The following AUTS2 variants were observed in gnomAD, a reference collection of about 807,000 sequenced individuals.
AUTS2 encodes activator of transcription and developmental regulator AUTS2, also known as autism susceptibility gene 2 protein.
In AUTS2, 17 loss-of-function variants were observed where a neutral mutation model predicts 112.4. The observed-to-expected ratio is 0.15, with a 90% CI of 0.10 to 0.23. AUTS2 has a LOEUF of 0.23. Among genes scored for constraint, AUTS2 ranks in the 10% least tolerant of loss-of-function variants. The pLI, the probability that AUTS2 is intolerant of heterozygous loss-of-function variation, is 1.00. For synonymous variants in AUTS2, 751 were observed against 702.7 expected (o/e 1.07, Z -1.09); for missense variants, 1,510 against 1,701.6 (o/e 0.89, Z 1.98).
chr7:70,232,407 C>CT (rs112682454), intron 4 of AUTS2, among the ~76,000 whole-genome samples: 460 of 145,016 alleles, frequency 3.2e-3, no homozygotes, highest in Non-Finnish European at 3.7e-3. Context: ...GGCTCTTGCT[C>CT]TTTTTTTTTT....
intron 1 of AUTS2, among the ~76,000 whole-genome samples, chr7:69,873,474 T>C (rs1279992668): frequency 2.0e-5 from 3 of 151,558 alleles, no homozygotes; most frequent in Admixed American, 6.6e-5. Flanking sequence ...GAACACTAGC[T>C]TATCTCAGAA....
chr7:70,358,267 T>C (rs1449805684), intron 4 of AUTS2, among the ~76,000 whole-genome samples: 1 of 152,248 alleles, frequency 6.6e-6, no homozygotes, highest in African/African-American at 2.4e-5. Context: ...TTAAACAGTA[T>C]GCCATTCTTT....
At chr7:70,774,274 G>A in intron 12 of AUTS2, 175 bp downstream of exon 12, 1 of 625,726 alleles carries the variant, frequency 1.6e-6, no homozygotes, top group Non-Finnish European at 2.8e-6. Flanking sequence ...AGTCTCTCCT[G>A]CTCACTGCGA....
chr7:70,188,949 G>C (rs1233559408), intron 4 of AUTS2, among the ~76,000 whole-genome samples: 1 of 151,764 alleles, frequency 6.6e-6, no homozygotes, highest in Admixed American at 6.6e-5. Flanking sequence ...TTTGTCTTCG[G>C]GAATGGAAAG....
At chr7:70,287,999 G>A (rs898533216) in intron 4 of AUTS2, among the ~76,000 whole-genome samples, 1 of 152,082 alleles carries the variant, frequency 6.6e-6, no homozygotes, top group Non-Finnish European at 1.5e-5. Flanking sequence ...TGAAGGAAGA[G>A]AATTTTTGCT....
At chr7:70,784,727 T>G in intron 15 of AUTS2, 1 of 492,698 alleles carries the variant, frequency 2.0e-6, no homozygotes. Flanking sequence ...GAGGGATGAT[T>G]GATTTTCTGC....
At chr7:69,728,647 A>G (rs966825460) in intron 1 of AUTS2, among the ~76,000 whole-genome samples, 5 of 151,396 alleles carry the variant, frequency 3.3e-5, no homozygotes, top group African/African-American at 1.2e-4. Flanking sequence ...GGAGCACTCA[A>G]AGTATGCAGG....
Position 70,791,708 on chromosome 7 carries a change from G to A in AUTS2, c.*712G>A, listed in dbSNP as rs530091420. On this transcript the variant is annotated 3_prime_UTR_variant, in exon 19 of 19. Coordinates refer to ENST00000342771, the MANE Select transcript of AUTS2 (RefSeq NM_015570.4). ...ATATTTTCCCTGAACAAGCGCTTAC[G>A]TGATATGACTCTGTTTTCCTTGCTT... 5.2e-5 allele frequency: 8 copies of A among 152,520 alleles called. No individual in the cohort carries two copies. The highest frequency in any genetic ancestry group is 1.9e-4 in the African/African-American group (8 of 41,536). 9.4% of individuals were successfully genotyped at this position (152,520 alleles called of 1,614,324 possible). A position where few individuals can be genotyped will look rare whatever the true frequency, so the allele number is the denominator to read the frequency against.
At chr7:70,562,123 T>C (rs1010172018) in intron 5 of AUTS2, among the ~76,000 whole-genome samples, 2 of 152,254 alleles carry the variant, frequency 1.3e-5, no homozygotes, top group African/African-American at 4.8e-5. Flanking sequence ...CAGAAGCAGA[T>C]GCTGGCACCA....
intron 1 of AUTS2, among the ~76,000 whole-genome samples, chr7:69,673,870 C>G (rs1796445885): frequency 6.6e-6 from 1 of 152,200 alleles, no homozygotes; most frequent in Admixed American, 6.5e-5. Context: ...TTATTGAAAC[C>G]CAGAAGTCTG....
chr7:70,008,368 CT>C (rs1218320643), intron 2 of AUTS2, among the ~76,000 whole-genome samples: 1 of 151,894 alleles, frequency 6.6e-6, no homozygotes, highest in Non-Finnish European at 1.5e-5. Flanking sequence ...ATGGGTAATA[CT>C]TTTTGTTTTT....
At chr7:69,831,624 AT>A (rs397839939) in intron 1 of AUTS2, among the ~76,000 whole-genome samples, 4,172 of 140,812 alleles carry the variant, frequency 0.03, 42 homozygotes, top group Middle Eastern at 0.053. Context: ...ACCTTTTAAG[AT>A]TTTTTTTTTT....
rs1172268665 is a variant in AUTS2, at chr7:70,642,061, A to C, written c.691-56508A>C. Among the ~76,000 whole-genome samples the C allele has an allele frequency of 2.0e-5, 3 of 152,208 alleles. No individual in the cohort carries two copies. The East Asian group carries it at 5.8e-4, about 29-fold the overall frequency. Reference sequence around the variant, plus strand: ...GAATTCTGCAATCTACCTGCGGTGCATGTAAGTTCTAATTTCCAGATGTCC... The same window carrying C: ...GAATTCTGCAATCTACCTGCGGTGCCTGTAAGTTCTAATTTCCAGATGTCC... On this transcript the variant is annotated intron_variant, in intron 5 of 18. Transcript: ENST00000342771.
At position 70,104,411 on chromosome 7, in the gene AUTS2, T is replaced by G. The variant is rs373822191; in HGVS notation, c.523-13721T>G. On this transcript the variant is annotated intron_variant, in intron 2 of 18. Transcript: ENST00000342771. ...ATTGGCGAAATATCCTGCTGATTGCTGATTGAAAACAGTTGTTAATTCTCT... is the reference window on the plus strand; with the variant it reads ...ATTGGCGAAATATCCTGCTGATTGCGGATTGAAAACAGTTGTTAATTCTCT... Among the ~76,000 whole-genome samples, 29 of 152,334 alleles carry G rather than the reference T, an allele frequency of 1.9e-4. No homozygotes were observed. In the East Asian group the frequency reaches 3.9e-3, roughly 20 times the overall value.
At chr7:70,733,527 A>G (rs1017341493) in intron 6 of AUTS2, among the ~76,000 whole-genome samples, 4 of 145,318 alleles carry the variant, frequency 2.8e-5, no homozygotes, top group African/African-American at 1.0e-4. Context: ...TCCCACCTGT[A>G]CTCTCACCAC....
chr7:70,314,106 G>A (rs934898122), intron 4 of AUTS2, among the ~76,000 whole-genome samples: 9 of 152,180 alleles, frequency 5.9e-5, no homozygotes, highest in South Asian at 2.1e-4. Context: ...ACTCTCATTA[G>A]GATGTAGCCC....
chr7:69,745,134 GA>G (rs1457932970), intron 1 of AUTS2, among the ~76,000 whole-genome samples: 5 of 152,198 alleles, frequency 3.3e-5, no homozygotes, highest in Non-Finnish European at 5.9e-5. Context: ...CAGAGAGTAA[GA>G]AACTCTTTCT....
At chr7:69,827,994 G>A (rs759683375) in intron 1 of AUTS2, among the ~76,000 whole-genome samples, 1 of 152,200 alleles carries the variant, frequency 6.6e-6, no homozygotes, top group Non-Finnish European at 1.5e-5. Context: ...ACATAATACA[G>A]GCTGGGGACC....
At chr7:70,666,883 A>C (rs1471580386) in intron 5 of AUTS2, among the ~76,000 whole-genome samples, 1 of 151,902 alleles carries the variant, frequency 6.6e-6, no homozygotes. Flanking sequence ...AATCAGCAAC[A>C]GGAGAGCATC....
Sources: gnomAD v4.1 joint callset for allele counts (sites outside exome capture counted in the v4.1 genomes callset) on GRCh38, gnomAD v4.1.1 for gene constraint, MANE v1.5 for transcripts, NCBI Gene and HGNC (gene_info 2026-07-23, HGNC 2026-07-21) for gene names.